Variants in ABI3BP observed in about 807,000 individuals in gnomAD.
ABI3BP encodes the protein target of Nesh-SH3.
Under a neutral mutation model 268.6 loss-of-function variants are expected in ABI3BP, and 216 were observed. That is an observed-to-expected ratio of 0.80 (90% CI 0.72 to 0.90). The LOEUF (loss-of-function observed/expected upper bound fraction) is 0.90. Ranked by LOEUF, ABI3BP falls within the 40% of genes least tolerant of loss-of-function variation. The pLI, the probability that ABI3BP is intolerant of heterozygous loss-of-function variation, is 0.00. For missense variants in ABI3BP, 2,090 were observed against 2,182.4 expected (o/e 0.96, Z 0.84); for synonymous variants, 730 against 730.0 (o/e 1.00, Z 0.00).
intron 2 of ABI3BP, chr3:100,911,645 T>C: frequency 1.4e-6 from 1 of 719,870 alleles, no homozygotes; most frequent in Non-Finnish European, 2.6e-6. Flanking sequence ...TAGAGGAACC[T>C]GATACAGTTT....
At chr3:100,829,690 T>TA (rs1222283961) in intron 32 of ABI3BP, 26 bp from the exon 33 acceptor site, 1 of 1,505,690 alleles carries the variant, frequency 6.6e-7, no homozygotes, top group African/African-American at 1.4e-5. Context: ...TTCAGGTTAA[T>TA]ACAGCGTGTT....
intron 63 of ABI3BP, among the ~76,000 whole-genome samples, chr3:100,762,106 A>AT (rs1228534446): frequency 1.3e-5 from 2 of 151,594 alleles, no homozygotes; most frequent in African/African-American, 4.9e-5. Context: ...TATTATTATT[A>AT]TTTTTTTACA....
chr3:100,765,722 A>C (rs1023610671), intron 63 of ABI3BP, 119 bp downstream of exon 63: 2 of 742,380 alleles, frequency 2.7e-6, no homozygotes, highest in Non-Finnish European at 4.5e-6. Context: ...AAAACCCAAG[A>C]GTGAAATGGA....
chr3:100,837,082 G>A, intron 27 of ABI3BP, 42 bp downstream of exon 27: 1 of 1,489,680 alleles, frequency 6.7e-7, no homozygotes, highest in Non-Finnish European at 9.0e-7. Context: ...AGAGGCGCAA[G>A]CTCAGAGAAA....
chr3:100,987,111 T>C (rs1174411941), intron 1 of ABI3BP, among the ~76,000 whole-genome samples: 1 of 152,194 alleles, frequency 6.6e-6, no homozygotes, highest in Non-Finnish European at 1.5e-5. Flanking sequence ...AATTCACCTA[T>C]TTACTTTCAA....
At chr3:100,925,867 T>C (rs1335215198) in intron 2 of ABI3BP, among the ~76,000 whole-genome samples, 1 of 16 alleles carries the variant, frequency 0.062, no homozygotes, top group East Asian at 0.5. Flanking sequence ...AACTTTAATC[T>C]TTTTTCTCTG....
intron 3 of ABI3BP, among the ~76,000 whole-genome samples, chr3:100,901,900 GAGA>G (rs1450823802): frequency 6.6e-6 from 1 of 152,168 alleles, no homozygotes; most frequent in African/African-American, 2.4e-5. Flanking sequence ...TATTTGATCT[GAGA>G]AGAAGTTTTG....
At chr3:100,767,612 AGG>A (rs2096343011) in intron 62 of ABI3BP, among the ~76,000 whole-genome samples, 1 of 151,338 alleles carries the variant, frequency 6.6e-6, no homozygotes, top group Non-Finnish European at 1.5e-5. Flanking sequence ...AAAAAAAAAA[AGG>A]AAACCAAACA....
At chr3:100,838,537 G>T in intron 24 of ABI3BP, 73 bp from the exon 25 acceptor site, 1 of 1,199,424 alleles carries the variant, frequency 8.3e-7, no homozygotes, top group Non-Finnish European at 1.2e-6. Flanking sequence ...CAATTATGCA[G>T]AACAAAGACA....
At chr3:100,781,177 C>G (rs995912947) in intron 57 of ABI3BP, among the ~76,000 whole-genome samples, 1 of 152,134 alleles carries the variant, frequency 6.6e-6, no homozygotes, top group African/African-American at 2.4e-5. Flanking sequence ...GACAACAACC[C>G]TGTTTTGAGG....
intron 38 of ABI3BP, 150 bp from the exon 39 acceptor site, chr3:100,821,263 G>A (rs2098213538): frequency 1.5e-6 from 1 of 663,390 alleles, no homozygotes; most frequent in African/African-American, 1.8e-5. Context: ...AAAGTAGACA[G>A]TTGATTTCCT....
At chr3:100,836,438 G>A (rs757948655) in intron 27 of ABI3BP, among the ~76,000 whole-genome samples, 13 of 152,136 alleles carry the variant, frequency 8.5e-5, no homozygotes, top group Middle Eastern at 6.8e-3. Context: ...CATTTATAGA[G>A]AGGCTGACTT....
chr3:100,968,593 A>C (rs189858088), intron 1 of ABI3BP, among the ~76,000 whole-genome samples: 5 of 152,300 alleles, frequency 3.3e-5, no homozygotes, highest in African/African-American at 1.2e-4. Context: ...TATCTTTTAA[A>C]CTGAAAAGTA....
At chr3:100,811,322 T>TCC (rs2097856512) in intron 47 of ABI3BP, 45 bp from the exon 48 acceptor site, 1 of 1,387,552 alleles carries the variant, frequency 7.2e-7, no homozygotes, top group Non-Finnish European at 9.7e-7. Context: ...TGTAAGATAT[T>TCC]AAGCTATAGC....
Position 100,811,233 on chromosome 3 carries a change from G to A in ABI3BP, c.3538C>T (p.Leu1180=), listed in dbSNP as rs2097854826. The A allele has an allele frequency of 6.5e-7, 1 of 1,533,818 alleles. No individual in the cohort carries two copies. The highest frequency in any genetic ancestry group is 2.0e-5 in the Admixed American group (1 of 50,808). The stretch of plus-strand genomic sequence containing the variant: ...GTTGGGCTACCGAGGTTATTACCTA[G>A]TGTGGTCTCAGGTGGTTCAGATACA... ...TYVSEPPETT[L]ETSPLPSQSI... is the part of the protein sequence containing the mutation. The change falls in exon 48 of 68, where the codon CTA becomes TTA. Residue 1180 remains leucine, a synonymous_variant. Transcript: ENST00000471714.
At chr3:100,848,989 C>A (rs984238312) in intron 17 of ABI3BP, 114 bp from the exon 18 acceptor site, 1 of 831,856 alleles carries the variant, frequency 1.2e-6, no homozygotes, top group African/African-American at 1.7e-5. Context: ...TTCCTTGTAT[C>A]CTTAGAATGT....
intron 14 of ABI3BP, among the ~76,000 whole-genome samples, chr3:100,853,766 G>A (rs761039946): frequency 6.6e-6 from 1 of 152,188 alleles, no homozygotes; most frequent in Non-Finnish European, 1.5e-5. Context: ...GGGGAAAGAA[G>A]CCTTTCTTCC....
intron 43 of ABI3BP, 38 bp from the exon 44 acceptor site, chr3:100,816,009 A>G: frequency 7.2e-7 from 1 of 1,393,878 alleles, no homozygotes; most frequent in Non-Finnish European, 9.5e-7. Flanking sequence ...AGAAAGCTTA[A>G]AGACTTTTTA....
chr3:100,862,762 T>C, intron 13 of ABI3BP, 76 bp downstream of exon 13: 1 of 980,040 alleles, frequency 1.0e-6, no homozygotes, highest in Non-Finnish European at 1.5e-6. Context: ...AGAAATAAGA[T>C]GCAGTAAATG....
Sources: allele counts gnomAD v4.1 joint callset (sites outside exome capture counted in the v4.1 genomes callset), GRCh38; gene constraint gnomAD v4.1.1; transcripts MANE v1.5; gene names NCBI Gene and HGNC (gene_info 2026-07-23, HGNC 2026-07-21).